Variants in SCAMP4 observed in about 807,000 individuals in gnomAD.
The protein encoded by SCAMP4 is secretory carrier-associated membrane protein 4.
Under a neutral mutation model 32.1 loss-of-function variants are expected in SCAMP4, and 19 were observed. The ratio of observed to expected loss-of-function variants is 0.59; its 90% CI spans 0.41 to 0.87. The LOEUF (loss-of-function observed/expected upper bound fraction) is 0.87. SCAMP4 is among the 40% of genes least tolerant of loss of function. The probability of loss-of-function intolerance (pLI) is 0.00; values close to 1 mark genes in which losing one functional copy is unlikely to be tolerated. For synonymous variants in SCAMP4, 152 were observed against 132.7 expected (o/e 1.15, Z -1.00); for missense variants, 302 against 309.0 (o/e 0.98, Z 0.17).
rs1410827948 is a variant in SCAMP4, at chr19:1,923,097, C to T, written c.423C>T (p.Phe141=). The part of the protein sequence containing the change: ...ACGWLSAIGF[F]QYSPGAAVVM... Reference sequence around the variant, plus strand: ...GCTGGCTGTCGGCAATTGGATTCTTCCAGTACAGCCCGGGCGCTGCCGTGG... The same window carrying T: ...GCTGGCTGTCGGCAATTGGATTCTTTCAGTACAGCCCGGGCGCTGCCGTGG... Residue 141 remains phenylalanine, a synonymous_variant, in exon 6 of 7, where the codon TTC becomes TTT. Transcript: ENST00000316097. 9 of 1,551,950 alleles carry T rather than the reference C, an allele frequency of 5.8e-6. No homozygotes were observed. The East Asian group carries it at 1.7e-4, about 29-fold the overall frequency.
chr19:1,908,260 T>G lies in SCAMP4; in HGVS notation c.-42+2821T>G. On this transcript the variant is annotated intron_variant, in intron 1 of 6. Transcript: ENST00000316097. This position sits in a 1 kb window ranked among gnomAD's most constrained non-coding sequence, Gnocchi z 4.2. ...TGCCTCCGCGCTTCCTGCTCCCGGC[T>G]CCCACTGCATCTCCGGTTCTGTGCT... is the stretch of plus-strand genomic sequence containing the variant. 3.6e-6 allele frequency: 1 copy of G among 280,266 alleles called. No homozygotes were observed. Among genetic ancestry groups the G allele is most frequent in the South Asian group, 2.9e-5 (1 of 35,014 alleles). The allele number at this position is 280,266 out of a possible 1,614,324, so 17.4% of individuals were successfully genotyped here. A position where few individuals can be genotyped will look rare whatever the true frequency, so the allele number is the denominator to read the frequency against.
chr19:1,924,302 C>A lies in SCAMP4; in HGVS notation c.*18C>A. 6.4e-7 allele frequency: 1 copy of A among 1,563,716 alleles called. No homozygotes were observed. The highest frequency in any genetic ancestry group is 8.7e-7 in the Non-Finnish European group (1 of 1,155,782). On this transcript the variant is annotated 3_prime_UTR_variant, in exon 7 of 7. Coordinates refer to ENST00000316097, the MANE Select transcript of SCAMP4 (RefSeq NM_079834.4). ...GGCCTTAGAGGGAGCCTGCCCTGCCCCCACCGCCCACCACCTCCTCCCCTT... is the reference window on the plus strand; with the variant it reads ...GGCCTTAGAGGGAGCCTGCCCTGCCACCACCGCCCACCACCTCCTCCCCTT...
intron 1 of SCAMP4, chr19:1,913,248 T>C: frequency 7.0e-7 from 1 of 1,434,870 alleles, no homozygotes; most frequent in Non-Finnish European, 9.2e-7. Context: ...AGCCTGACCG[T>C]GGATTTCAGG....
intron 5 of SCAMP4, chr19:1,922,026 C>A (rs897710982): frequency 3.0e-6 from 3 of 985,450 alleles, no homozygotes; most frequent in East Asian, 2.3e-4. Flanking sequence ...TGCCTGTGCA[C>A]CAGGGAGGGG....
At chr19:1,911,875 C>T in intron 1 of SCAMP4, 1 of 702,244 alleles carries the variant, frequency 1.4e-6, no homozygotes. Flanking sequence ...GCTGTTTAAA[C>T]TCTGTGCACA....
chr19:1,923,997 C>G lies in SCAMP4; in HGVS notation c.514-111C>G, dbSNP rs62129461. The G allele has an allele frequency of 3.9e-3, 1,236 of 317,086 alleles. 90 individuals carry two copies. The highest frequency in any genetic ancestry group is 0.019 in the African/African-American group (976 of 52,624). The allele number at this position is 317,086 out of a possible 1,614,324, so 19.6% of individuals were successfully genotyped here. The stretch of plus-strand genomic sequence containing the variant: ...CTGGTCTCGAACTCCAGAGCTCAGA[C>G]AGTCTGTCTGCCTCGGCCTCCCGAA... On this transcript the variant is annotated intron_variant, in intron 6 of 6. Transcript: ENST00000316097.
intron 5 of SCAMP4, chr19:1,920,511 C>A (rs1390935050): frequency 1.5e-5 from 12 of 814,462 alleles, no homozygotes; most frequent in Non-Finnish European, 1.8e-5. Context: ...CTCGGATGTG[C>A]CGCTGAAGCT....
chr19:1,922,491 T>A, intron 5 of SCAMP4: 1 of 965,842 alleles, frequency 1.0e-6, no homozygotes, highest in South Asian at 4.8e-5. Context: ...CGCCTCGGCC[T>A]CCCAAAGTGC....
chr19:1,921,097 G>A (rs551475436), intron 5 of SCAMP4: 2 of 985,282 alleles, frequency 2.0e-6, no homozygotes, highest in Admixed American at 6.1e-5. Flanking sequence ...AGCGCACAGC[G>A]ACTTCATGTC....
At chr19:1,909,020 G>A (rs962816887) in intron 1 of SCAMP4, among the ~76,000 whole-genome samples, 2 of 151,862 alleles carry the variant, frequency 1.3e-5, no homozygotes, top group Non-Finnish European at 2.9e-5. Flanking sequence ...CAGGAGAATC[G>A]CTTGAACCTG....
chr19:1,914,688 G>A (rs910351045), intron 1 of SCAMP4: 8 of 472,400 alleles, frequency 1.7e-5, no homozygotes, highest in Admixed American at 3.6e-5. Context: ...TTTGGGGGAC[G>A]CAGGGGCCTA....
intron 6 of SCAMP4, among the ~76,000 whole-genome samples, chr19:1,923,467 G>A (rs1454590936): frequency 7.9e-5 from 12 of 152,198 alleles, no homozygotes; most frequent in Admixed American, 6.5e-5. Context: ...TGTGTAAACC[G>A]CAGTGTTTGC....
Position 1,918,180 on chromosome 19 carries a change from G to C in SCAMP4, c.190G>C (p.Gly64Arg). ...NLIACLAWWI[G>R]GGSGTNFGLA... The stretch of plus-strand genomic sequence containing the variant: ...CATTGCCTGCCTGGCCTGGTGGATC[G>C]GCGGAGGCTCGGGGACCAACTTCGG... Residue 64 changes from glycine to arginine, a missense_variant, in exon 4 of 7, where the codon GGC becomes CGC. Coordinates refer to ENST00000316097, the MANE Select transcript of SCAMP4 (RefSeq NM_079834.4). 1 of 1,612,856 alleles carries C rather than the reference G, an allele frequency of 6.2e-7. No individual in the cohort carries two copies. The highest frequency in any genetic ancestry group is 8.5e-7 in the Non-Finnish European group (1 of 1,179,824).
chr19:1,920,433 C>G (rs2013882343), intron 5 of SCAMP4: 2 of 613,560 alleles, frequency 3.3e-6, no homozygotes, highest in African/African-American at 2.0e-5. Flanking sequence ...CTGCAGGCCT[C>G]TCCCCTCCTG....
chr19:1,918,625 G>C, intron 4 of SCAMP4: 1 of 536,028 alleles, frequency 1.9e-6, no homozygotes. Flanking sequence ...AGCCAGGCGT[G>C]GTTGCGGGCG....
At chr19:1,912,295 AC>A in intron 1 of SCAMP4, 1 of 1,564,410 alleles carries the variant, frequency 6.4e-7, no homozygotes, top group Non-Finnish European at 8.6e-7. Flanking sequence ...TCGGCCCTGC[AC>A]CCGCTCCCCG....
rs896610549 is a variant in SCAMP4, at chr19:1,918,013, C to T, written c.137-114C>T. 44 of 1,416,808 alleles carry T rather than the reference C, an allele frequency of 3.1e-5. No homozygotes were observed. In the African/African-American group the frequency reaches 6.2e-4, roughly 20 times the overall value. 87.8% of individuals were successfully genotyped at this position (1,416,808 alleles called of 1,614,324 possible). ...CTTGGCTTGCACAGTTCATCCTCGA[C>T]ATGGGGTCACTGGGCTGGGGAGGCG... On this transcript the variant is annotated intron_variant, in intron 3 of 6. Coordinates refer to ENST00000316097, the MANE Select transcript of SCAMP4 (RefSeq NM_079834.4).
At chr19:1,912,004 G>A (rs1019821615) in intron 1 of SCAMP4, 8 of 1,414,910 alleles carry the variant, frequency 5.7e-6, no homozygotes, top group South Asian at 3.1e-5. Context: ...ACGGCCTCCC[G>A]GGACGGACTC....
chr19:1,923,105 G>A lies in SCAMP4; in HGVS notation c.431G>A (p.Ser144Asn). 1 of 1,552,500 alleles carries A rather than the reference G, an allele frequency of 6.4e-7. No individual in the cohort carries two copies. The highest frequency in any genetic ancestry group is 8.7e-7 in the Non-Finnish European group (1 of 1,147,676). ...TCGGCAATTGGATTCTTCCAGTACA[G>A]CCCGGGCGCTGCCGTGGTCATGCTG... ...WLSAIGFFQYSPGAAVVMLLP... is the reference protein window; with the variant it reads ...WLSAIGFFQYNPGAAVVMLLP... Residue 144 changes from serine to asparagine, a missense_variant, in exon 6 of 7, where the codon AGC becomes AAC. Coordinates refer to ENST00000316097, the MANE Select transcript of SCAMP4 (RefSeq NM_079834.4).
Sources: allele counts gnomAD v4.1 joint callset (sites outside exome capture counted in the v4.1 genomes callset), GRCh38; gene constraint gnomAD v4.1.1; non-coding constraint Gnocchi (gnomAD v3.1); transcripts MANE v1.5; gene names NCBI Gene and HGNC (gene_info 2026-07-23, HGNC 2026-07-21).